Variants in CIMAP3 observed in about 807,000 individuals in gnomAD.
The protein encoded by CIMAP3 is ciliary microtubule-associated protein 3.
At chr1:111,350,552 A>T in the CIMAP3 span, among the ~76,000 whole-genome samples, 1 of 152,192 alleles carries the variant, frequency 6.6e-6, no homozygotes, top group Admixed American at 6.5e-5. Context: ...TCACTACTGG[A>T]ATCTGGATCT....
At chr1:111,327,827 AT>A in the CIMAP3 span, among the ~76,000 whole-genome samples, 8 of 150,314 alleles carry the variant, frequency 5.3e-5, no homozygotes, top group Non-Finnish European at 8.9e-5. Flanking sequence ...GATTTTTTGA[AT>A]TTTTTTTTGT....
chr1:111,349,955 G>A, the CIMAP3 span: 1 of 604,626 alleles, frequency 1.7e-6, no homozygotes, highest in Admixed American at 2.8e-5. Context: ...TACATTAACA[G>A]GTAAAGGAAT....
the CIMAP3 span, among the ~76,000 whole-genome samples, chr1:111,336,419 A>G: frequency 6.6e-6 from 1 of 152,316 alleles, no homozygotes; most frequent in African/African-American, 2.4e-5. Context: ...GAGGAAATTC[A>G]AACCAAAGGC....
chr1:111,352,768 G>A, the CIMAP3 span: 8 of 151,090 alleles, frequency 5.3e-5, no homozygotes, highest in Non-Finnish European at 1.2e-4. Flanking sequence ...AGCATTTAAT[G>A]TTTTTTTTTC....
At chr1:111,335,092 C>A in the CIMAP3 span, among the ~76,000 whole-genome samples, 1 of 118,322 alleles carries the variant, frequency 8.5e-6, no homozygotes, top group Non-Finnish European at 1.6e-5. Context: ...TGGGTCATTG[C>A]ACTCCAGCCT....
chr1:111,335,147 AAAAAAAGAC>A, the CIMAP3 span, among the ~76,000 whole-genome samples: 2 of 139,274 alleles, frequency 1.4e-5, no homozygotes, highest in Admixed American at 7.0e-5. Context: ...AAAAAAAAAA[AAAAAAAGAC>A]AGAAAAAAAA....
the CIMAP3 span, among the ~76,000 whole-genome samples, chr1:111,340,231 T>C: frequency 6.6e-6 from 1 of 151,820 alleles, no homozygotes; most frequent in Admixed American, 6.6e-5. Context: ...ACTTAAACGT[T>C]AGACCTAAAA....
the CIMAP3 span, chr1:111,350,017 A>T: frequency 2.1e-6 from 2 of 962,056 alleles, no homozygotes; most frequent in Non-Finnish European, 3.3e-6. Context: ...CCAAGAGGTT[A>T]GGCCTAGTCC....
the CIMAP3 span, among the ~76,000 whole-genome samples, chr1:111,340,053 A>G: frequency 6.6e-6 from 1 of 152,032 alleles, no homozygotes; most frequent in East Asian, 1.9e-4. Flanking sequence ...ATAACGTCGC[A>G]TATCTACAAC....
the CIMAP3 span, among the ~76,000 whole-genome samples, chr1:111,334,973 C>A: frequency 6.6e-6 from 1 of 151,594 alleles, no homozygotes; most frequent in Non-Finnish European, 1.5e-5. Flanking sequence ...ACCAAAAATA[C>A]AAAAATTAGC....
the CIMAP3 span, among the ~76,000 whole-genome samples, chr1:111,335,465 A>T: frequency 6.6e-6 from 1 of 152,176 alleles, no homozygotes; most frequent in Admixed American, 6.5e-5. Flanking sequence ...GGGGTGAAAG[A>T]TGGCACCTGG....
At chr1:111,347,195 G>A in the CIMAP3 span, 2 of 981,110 alleles carry the variant, frequency 2.0e-6, no homozygotes, top group African/African-American at 1.7e-5. Context: ...TCTTCTGCAA[G>A]CAGCTGTTTC....
chr1:111,331,859 A>C, the CIMAP3 span, among the ~76,000 whole-genome samples: 1 of 152,106 alleles, frequency 6.6e-6, no homozygotes, highest in Non-Finnish European at 1.5e-5. Context: ...TTCATAAATA[A>C]AGACTTATTT....
chr1:111,340,903 A>C, the CIMAP3 span, among the ~76,000 whole-genome samples: 1 of 152,046 alleles, frequency 6.6e-6, no homozygotes, highest in East Asian at 1.9e-4. Flanking sequence ...AAGACACATG[A>C]ACACGTATGT....
the CIMAP3 span, chr1:111,324,903 T>G: frequency 1.0e-6 from 1 of 974,142 alleles, no homozygotes; most frequent in Non-Finnish European, 1.2e-6. Flanking sequence ...ATCATGTTCT[T>G]GGACTCTAGT....
At chr1:111,329,497 C>T in the CIMAP3 span, among the ~76,000 whole-genome samples, 1,172 of 135,274 alleles carry the variant, frequency 8.7e-3, 19 homozygotes, top group African/African-American at 0.03. Flanking sequence ...TTCATAAATT[C>T]GTCCTCTTCA....
chr1:111,331,494 A>G, the CIMAP3 span, among the ~76,000 whole-genome samples: 19 of 151,944 alleles, frequency 1.3e-4, no homozygotes, highest in South Asian at 2.1e-4. Context: ...GAATCTCTTA[A>G]TTGTATATTT....
At chr1:111,344,059 G>A in the CIMAP3 span, among the ~76,000 whole-genome samples, 1 of 152,218 alleles carries the variant, frequency 6.6e-6, no homozygotes, top group Admixed American at 6.5e-5. Flanking sequence ...CTGTGGGTCT[G>A]TTTCTACTCT....
the CIMAP3 span, among the ~76,000 whole-genome samples, chr1:111,329,009 T>C: frequency 6.6e-6 from 1 of 152,250 alleles, no homozygotes; most frequent in Non-Finnish European, 1.5e-5. Flanking sequence ...CTATATTTAG[T>C]GCTCCTCTCA....
Sources: gnomAD v4.1 joint callset for allele counts (sites outside exome capture counted in the v4.1 genomes callset) on GRCh38, gnomAD v4.1.1 for gene constraint, MANE v1.5 for transcripts, NCBI Gene and HGNC (gene_info 2026-07-23, HGNC 2026-07-21) for gene names.